Variants in JARID2 observed in about 807,000 individuals in gnomAD.
JARID2 encodes protein Jumonji.
A neutral mutation model predicts 125.6 loss-of-function variants in JARID2; 21 were observed. The ratio of observed to expected loss-of-function variants is 0.17; its 90% CI spans 0.12 to 0.24. JARID2 has a LOEUF of 0.24. Ranked by LOEUF, JARID2 falls within the 10% of genes least tolerant of loss-of-function variation. JARID2 has a pLI of 1.00. For synonymous variants in JARID2, 736 were observed against 661.6 expected (o/e 1.11, Z -1.73); for missense variants, 1,303 against 1,639.6 (o/e 0.79, Z 3.55).
Position 15,512,895 on chromosome 6 carries a change from G to T in JARID2, c.3136-20G>T, listed in dbSNP as rs888201792. ...CTAGTAATGAAAATCCACCCTAAAG[G>T]GATGTGACTCCTCTTTCAGGAAATG... On this transcript the variant is annotated intron_variant, in intron 14 of 17. Transcript: ENST00000341776. The T allele has an allele frequency of 1.2e-6, 2 of 1,612,820 alleles. No individual in the cohort carries two copies. The highest frequency in any genetic ancestry group is 1.7e-6 in the Non-Finnish European group (2 of 1,179,426).
At chr6:15,281,575 G>A (rs756978168) in intron 1 of JARID2, among the ~76,000 whole-genome samples, 5 of 152,202 alleles carry the variant, frequency 3.3e-5, no homozygotes, top group Admixed American at 6.5e-5. Flanking sequence ...GGTTCCCCGC[G>A]TGGGGGGCCC....
intron 2 of JARID2, among the ~76,000 whole-genome samples, chr6:15,396,915 A>G (rs1382638825): frequency 6.6e-6 from 1 of 152,122 alleles, no homozygotes; most frequent in South Asian, 2.1e-4. Context: ...GGGTCACCCT[A>G]CTATGTTCTT....
chr6:15,251,763 G>A (rs1305581630), intron 1 of JARID2, among the ~76,000 whole-genome samples: 1 of 36,260 alleles, frequency 2.8e-5, no homozygotes, highest in Non-Finnish European at 4.8e-5. Flanking sequence ...CGGATCATGA[G>A]GGTCAGGAGT....
At chr6:15,335,736 T>A (rs1762855540) in intron 1 of JARID2, among the ~76,000 whole-genome samples, 1 of 152,142 alleles carries the variant, frequency 6.6e-6, no homozygotes, top group Admixed American at 6.6e-5. Flanking sequence ...CCTTAAGCAT[T>A]CCTATGTGCT....
intron 2 of JARID2, among the ~76,000 whole-genome samples, chr6:15,395,210 G>A (rs1765173139): frequency 6.6e-6 from 1 of 151,848 alleles, no homozygotes; most frequent in African/African-American, 2.4e-5. Flanking sequence ...GCATATGAGA[G>A]TACTACTTTT....
chr6:15,458,689 C>T (rs771029919), intron 4 of JARID2, among the ~76,000 whole-genome samples: 2 of 152,104 alleles, frequency 1.3e-5, no homozygotes, highest in Admixed American at 1.3e-4. Context: ...GAAGTGTGTA[C>T]CCATTAAAGC....
chr6:15,517,199 G>T lies in JARID2; in HGVS notation c.3489G>T (p.Glu1163Asp). The T allele has an allele frequency of 6.2e-7, 1 of 1,614,160 alleles. No individual in the cohort carries two copies. The highest frequency in any genetic ancestry group is 8.5e-7 in the Non-Finnish European group (1 of 1,179,992). Residue 1163 changes from glutamate (E) to aspartate (D), a missense_variant, in exon 17 of 18, where the codon GAG becomes GAT. By Grantham distance (45) the Glu-to-Asp change is conservative. Transcript: ENST00000341776. ...QENENVVFCL[E>D]CALRHVEKQK... ...ACGAAAACGTCGTGTTCTGTCTGGA[G>T]TGTGCTCTGCGCCACGTGGAGAAAC...
At chr6:15,416,224 G>T (rs1222367117) in intron 3 of JARID2, among the ~76,000 whole-genome samples, 1 of 151,336 alleles carries the variant, frequency 6.6e-6, no homozygotes, top group African/African-American at 2.4e-5. Context: ...AGGCCGAGGG[G>T]CTCCTCATGT....
intron 1 of JARID2, among the ~76,000 whole-genome samples, chr6:15,313,744 A>T (rs1762090988): frequency 6.6e-6 from 1 of 152,216 alleles, no homozygotes; most frequent in Non-Finnish European, 1.5e-5. Context: ...CTGTGGAGTT[A>T]ACTGCATTTT....
chr6:15,432,460 AC>A (rs1307012297), intron 3 of JARID2, among the ~76,000 whole-genome samples: 188 of 150,888 alleles, frequency 1.2e-3, no homozygotes, highest in African/African-American at 4.3e-3. Context: ...AACAACAACA[AC>A]AACAACAACA....
chr6:15,412,330 CAA>C (rs918285535), intron 3 of JARID2, among the ~76,000 whole-genome samples: 2 of 152,162 alleles, frequency 1.3e-5, no homozygotes, highest in African/African-American at 4.8e-5. Context: ...TTGAGGGAGA[CAA>C]GAGTCTCGCT....
At chr6:15,391,467 CAG>C (rs776569284) in intron 2 of JARID2, among the ~76,000 whole-genome samples, 1 of 152,182 alleles carries the variant, frequency 6.6e-6, no homozygotes. Flanking sequence ...CTGAGACAGA[CAG>C]AGGGGAGAAA....
At chr6:15,283,305 A>G (rs1211350568) in intron 1 of JARID2, among the ~76,000 whole-genome samples, 3 of 147,838 alleles carry the variant, frequency 2.0e-5, no homozygotes, top group Admixed American at 1.4e-4. Context: ...ATATGTCGCA[A>G]ATATTGTCTC....
intron 2 of JARID2, among the ~76,000 whole-genome samples, chr6:15,375,574 T>C (rs1049877995): frequency 2.0e-5 from 3 of 152,262 alleles, no homozygotes; most frequent in African/African-American, 7.2e-5. Context: ...CTCTGCCTTG[T>C]TCTGTGGGTC....
chr6:15,428,885 G>GACAC (rs1204271581), intron 3 of JARID2, among the ~76,000 whole-genome samples: 1 of 142,680 alleles, frequency 7.0e-6, no homozygotes, highest in Non-Finnish European at 1.5e-5. Flanking sequence ...CAACCTGGGG[G>GACAC]ACACAGCGAG....
chr6:15,408,287 G>A (rs999029700), intron 2 of JARID2, among the ~76,000 whole-genome samples: 3 of 152,124 alleles, frequency 2.0e-5, no homozygotes, highest in Admixed American at 2.0e-4. Flanking sequence ...CCACCAAGAC[G>A]ATACATATTT....
chr6:15,328,146 C>G (rs779470488), intron 1 of JARID2, among the ~76,000 whole-genome samples: 46 of 152,166 alleles, frequency 3.0e-4, no homozygotes, highest in Non-Finnish European at 4.9e-4. Flanking sequence ...TTTTAAGGGT[C>G]AGTGGCTTGC....
chr6:15,484,502 G>A (rs6917591), intron 5 of JARID2, among the ~76,000 whole-genome samples: 30,834 of 150,884 alleles, frequency 0.2, 3,788 homozygotes, highest in Middle Eastern at 0.36. Context: ...ATCTGATTGT[G>A]CAGTAACCTG....
At chr6:15,293,305 T>G (rs976322807) in intron 1 of JARID2, among the ~76,000 whole-genome samples, 1 of 152,146 alleles carries the variant, frequency 6.6e-6, no homozygotes, top group Non-Finnish European at 1.5e-5. Flanking sequence ...ATCCCAGCTA[T>G]TGGGGAGGCT....
Sources: gnomAD v4.1 joint callset for allele counts (sites outside exome capture counted in the v4.1 genomes callset) on GRCh38, gnomAD v4.1.1 for gene constraint, MANE v1.5 for transcripts, NCBI Gene and HGNC (gene_info 2026-07-23, HGNC 2026-07-21) for gene names.